CNTN5: variants seen among roughly 807,000 people sequenced by gnomAD.
CNTN5 encodes the protein contactin-5.
A neutral mutation model predicts 129.1 loss-of-function variants in CNTN5; 77 were observed. That is an observed-to-expected ratio of 0.60 (90% confidence interval 0.50 to 0.72). CNTN5 has a LOEUF of 0.72. Among genes scored for constraint, CNTN5 ranks in the 30% least tolerant of loss-of-function variants. The pLI is 0.00. For synonymous variants in CNTN5, 509 were observed against 465.6 expected (o/e 1.09, Z -1.20); for missense variants, 1,478 against 1,328.8 (o/e 1.11, Z -1.75).
intron 2 of CNTN5, among the ~76,000 whole-genome samples, chr11:99,383,018 A>G (rs12366124): frequency 1 from 151,598 of 151,718 alleles, 75,739 homozygotes; most frequent in Middle Eastern, 1. Flanking sequence ...CACGACGGCC[A>G]GCTAATTTTT....
intron 3 of CNTN5, among the ~76,000 whole-genome samples, chr11:99,684,504 A>G (rs540579339): frequency 1.3e-5 from 2 of 152,002 alleles, no homozygotes; most frequent in South Asian, 4.1e-4. Flanking sequence ...ACTGGCTAGA[A>G]CTGCCATTAT....
chr11:100,187,596 C>A (rs1289826533), intron 13 of CNTN5, among the ~76,000 whole-genome samples: 1 of 152,028 alleles, frequency 6.6e-6, no homozygotes, highest in African/African-American at 2.4e-5. Flanking sequence ...CAAAGACAGA[C>A]ACATAGACCA....
chr11:99,621,562 A>G (rs191461357), intron 3 of CNTN5, among the ~76,000 whole-genome samples: 6 of 152,164 alleles, frequency 3.9e-5, no homozygotes, highest in African/African-American at 1.4e-4. Context: ...TTTGCTTGCG[A>G]TATTTGGGAT....
At chr11:99,844,778 GATGGA>G in intron 4 of CNTN5, 69 bp from the exon 5 acceptor site, 1 of 1,421,460 alleles carries the variant, frequency 7.0e-7, no homozygotes, top group Non-Finnish European at 9.6e-7. Flanking sequence ...ATATAAGTAA[GATGGA>G]AAAGAAAAAA....
At chr11:100,081,731 C>T (rs1467583163) in intron 13 of CNTN5, among the ~76,000 whole-genome samples, 2 of 152,032 alleles carry the variant, frequency 1.3e-5, no homozygotes. Context: ...GACTATATAC[C>T]GTTTCTAATT....
At chr11:99,781,458 T>C (rs909373489) in intron 3 of CNTN5, among the ~76,000 whole-genome samples, 1 of 152,112 alleles carries the variant, frequency 6.6e-6, no homozygotes, top group Non-Finnish European at 1.5e-5. Flanking sequence ...TACTAAGTGA[T>C]ATATTGAAGT....
At chr11:99,906,104 C>T (rs1023825812) in intron 6 of CNTN5, among the ~76,000 whole-genome samples, 1 of 152,100 alleles carries the variant, frequency 6.6e-6, no homozygotes, top group African/African-American at 2.4e-5. Flanking sequence ...GACTTCCTCT[C>T]TGCCTATTCG....
chr11:100,270,971 C>A (rs189916280), intron 17 of CNTN5, 121 bp from the exon 18 acceptor site: 1 of 744,892 alleles, frequency 1.3e-6, no homozygotes, highest in East Asian at 2.6e-5. Flanking sequence ...ACCATGACCA[C>A]GTGTCGTGAG....
At chr11:99,962,412 GT>G (rs1224801409) in intron 8 of CNTN5, among the ~76,000 whole-genome samples, 1 of 151,084 alleles carries the variant, frequency 6.6e-6, no homozygotes, top group Non-Finnish European at 1.5e-5. Context: ...GCAGTGTTTG[GT>G]TTTTTGTCCT....
intron 2 of CNTN5, among the ~76,000 whole-genome samples, chr11:99,423,863 G>A (rs1236988033): frequency 6.6e-6 from 1 of 151,894 alleles, no homozygotes; most frequent in Non-Finnish European, 1.5e-5. Context: ...TGGGTATGGG[G>A]TGGGGGAGCG....
intron 1 of CNTN5, among the ~76,000 whole-genome samples, chr11:99,174,863 G>T (rs1046993044): frequency 1.3e-5 from 2 of 151,986 alleles, no homozygotes; most frequent in Non-Finnish European, 2.9e-5. Context: ...TGATAAAATT[G>T]TATCTGTGGC....
chr11:99,855,932 A>C (rs1284866048), intron 6 of CNTN5, among the ~76,000 whole-genome samples: 1 of 152,198 alleles, frequency 6.6e-6, no homozygotes, highest in Non-Finnish European at 1.5e-5. Context: ...CTATTATCAT[A>C]ATAAAACTAG....
intron 3 of CNTN5, among the ~76,000 whole-genome samples, chr11:99,563,359 G>T (rs1948902100): frequency 6.6e-6 from 1 of 152,152 alleles, no homozygotes; most frequent in Admixed American, 6.5e-5. Flanking sequence ...CCTAGGAAAA[G>T]GAGAAAGAAT....
chr11:100,051,682 T>C (rs4754666), intron 9 of CNTN5, among the ~76,000 whole-genome samples: 49,943 of 151,226 alleles, frequency 0.33, 8,666 homozygotes, highest in East Asian at 0.48. Context: ...CAAATCTCAT[T>C]TTTAGAAAAT....
At chr11:99,575,162 A>G (rs1284742201) in intron 3 of CNTN5, among the ~76,000 whole-genome samples, 1 of 152,228 alleles carries the variant, frequency 6.6e-6, no homozygotes, top group South Asian at 2.1e-4. Flanking sequence ...GACCTTAAGT[A>G]TCTCAATTTT....
intron 7 of CNTN5, among the ~76,000 whole-genome samples, chr11:99,918,347 A>T (rs1289673703): frequency 2.6e-5 from 4 of 152,214 alleles, no homozygotes; most frequent in African/African-American, 9.6e-5. Flanking sequence ...ACCAAAGCAC[A>T]CATACAAAAC....
chr11:99,034,397 C>T (rs955005864), intron 1 of CNTN5, among the ~76,000 whole-genome samples: 5 of 151,604 alleles, frequency 3.3e-5, no homozygotes, highest in African/African-American at 4.9e-5. Flanking sequence ...TCCATCTGGT[C>T]CTGGACTCTT....
rs1565375701 is a variant in CNTN5 at position 100,255,868 on chromosome 11, A to T, written c.2114A>T (p.Asn705Ile). 1 of 1,613,786 alleles carries T rather than the reference A, an allele frequency of 6.2e-7. No homozygotes were observed. The highest frequency in any genetic ancestry group is 8.5e-7 in the Non-Finnish European group (1 of 1,179,846). ...ADNHSPISSY[N>I]LQARSPFSLG... Reference sequence around the variant, plus strand: ...AACCACAGCCCAATCTCCTCCTACAACCTTCAAGCTCGCAGCCCATTTTCC... The same window carrying T: ...AACCACAGCCCAATCTCCTCCTACATCCTTCAAGCTCGCAGCCCATTTTCC... Residue 705 changes from asparagine to isoleucine, a missense_variant, in exon 17 of 25, where the codon AAC (asparagine) becomes ATC (isoleucine). Asn to Ile is a moderately radical substitution (Grantham distance 149). Transcript: ENST00000524871.
chr11:100,034,478 A>G (rs1941877531), intron 9 of CNTN5, among the ~76,000 whole-genome samples: 1 of 152,210 alleles, frequency 6.6e-6, no homozygotes, highest in Non-Finnish European at 1.5e-5. Context: ...GTAATCATTT[A>G]CATGATTTCT....
Sources: gnomAD v4.1 joint callset for allele counts (sites outside exome capture counted in the v4.1 genomes callset) on GRCh38, gnomAD v4.1.1 for gene constraint, MANE v1.5 for transcripts, NCBI Gene and HGNC (gene_info 2026-07-23, HGNC 2026-07-21) for gene names.